SYNC: variants seen among roughly 807,000 people sequenced by gnomAD.
SYNC encodes syncoilin, intermediate filament protein, also known as syncoilin.
SYNC carries 38 observed loss-of-function variants against 49.5 expected under a neutral mutation model. The ratio of observed to expected loss-of-function variants is 0.77; its 90% confidence interval spans 0.59 to 1.01. The LOEUF is 1.01. SYNC is among the 50% of genes least tolerant of loss of function. SYNC has a pLI of 0.00. For missense variants in SYNC, 579 were observed against 580.6 expected (o/e 1.00, Z 0.03); for synonymous variants, 201 against 230.8 (o/e 0.87, Z 1.17).
chr1:32,694,702 TG>T (rs1650320859), intron 2 of SYNC, among the ~76,000 whole-genome samples, 162 bp downstream of exon 2: 1 of 151,328 alleles, frequency 6.6e-6, no homozygotes, highest in Admixed American at 6.6e-5. Flanking sequence ...GTCCCTAGCA[TG>T]GGCCTGAATG....
chr1:32,681,642 C>G lies in SYNC; in HGVS notation c.*208G>C, dbSNP rs913186067. The G allele has an allele frequency of 4.4e-6, 3 of 675,972 alleles. No homozygotes were observed. The highest frequency in any genetic ancestry group is 7.7e-6 in the Non-Finnish European group (3 of 391,762). The allele number at this position is 675,972 out of a possible 1,614,324, so 41.9% of individuals were successfully genotyped here. ...GTATCAACAGCAGATGAAATAGAAT[C>G]CAGCAAAGAGTTGACATGTTCTGCC... On this transcript the variant is annotated 3_prime_UTR_variant, in exon 5 of 5. Coordinates refer to ENST00000409190, the MANE Select transcript of SYNC (RefSeq NM_030786.3).
chr1:32,687,861 A>ATTATTTTTTTTTTT (rs1280120903), intron 2 of SYNC, among the ~76,000 whole-genome samples: 10 of 146,440 alleles, frequency 6.8e-5, no homozygotes, highest in African/African-American at 2.3e-4. Flanking sequence ...TATTATTATT[A>ATTATTTTTTTTTTT]TTTTTTGAGA....
At chr1:32,683,874 C>A in intron 4 of SYNC, 136 bp downstream of exon 4, 1 of 774,666 alleles carries the variant, frequency 1.3e-6, no homozygotes, top group Non-Finnish European at 2.1e-6. Flanking sequence ...TCCAGGTGAT[C>A]CACCCTCCTC....
At chr1:32,690,203 A>G (rs1043150840) in intron 2 of SYNC, among the ~76,000 whole-genome samples, 1 of 152,132 alleles carries the variant, frequency 6.6e-6, no homozygotes, top group African/African-American at 2.4e-5. Context: ...TAGAGATTAG[A>G]TAGACTTCTG....
At chr1:32,682,845 A>G (rs965400260) in intron 4 of SYNC, 3 of 152,320 alleles carry the variant, frequency 2.0e-5, no homozygotes, top group South Asian at 2.1e-4. Context: ...ATAATGTACA[A>G]CTTGACACGG....
At chr1:32,689,235 C>T (rs866286464) in intron 2 of SYNC, among the ~76,000 whole-genome samples, 10 of 41,518 alleles carry the variant, frequency 2.4e-4, no homozygotes, top group African/African-American at 4.1e-4. Context: ...CTCGCCTGGC[C>T]TTTTTTTTTT....
intron 1 of SYNC, among the ~76,000 whole-genome samples, chr1:32,701,286 G>A (rs786302): frequency 0.9 from 136,500 of 152,178 alleles, 61,710 homozygotes; most frequent in Non-Finnish European, 0.96. Context: ...CATCTCTTCC[G>A]TAAAGTATCT....
intron 1 of SYNC, among the ~76,000 whole-genome samples, chr1:32,698,905 C>T (rs923308141): frequency 7.3e-5 from 11 of 150,972 alleles, no homozygotes; most frequent in South Asian, 2.1e-4. Flanking sequence ...CTCAGCCTCC[C>T]GGGTAGCCAG....
In SYNC at chr1:32,684,518, G is replaced by C. The variant is rs1288236693; in HGVS notation, c.1234-136C>G. On this transcript the variant is annotated intron_variant, in intron 2 of 4. Coordinates refer to ENST00000409190, the MANE Select transcript of SYNC (RefSeq NM_030786.3). ...ATTGAGGCTGGTATTTATATGATAG[G>C]TTATGAAACAGGTTCAAAGAAGTTG... 3.1e-6 allele frequency: 4 copies of C among 1,281,768 alleles called. 1 individual carries two copies. The East Asian group carries it at 7.2e-5, about 23-fold the overall frequency. The allele number at this position is 1,281,768 out of a possible 1,614,324, so 79.4% of individuals were successfully genotyped here. A position where few individuals can be genotyped will look rare whatever the true frequency, so the allele number is the denominator to read the frequency against.
chr1:32,683,985 C>A lies in SYNC; in HGVS notation c.1438+25G>T, dbSNP rs1406142345. 2.5e-6 allele frequency: 4 copies of A among 1,607,204 alleles called. No homozygotes were observed. In the Admixed American group the frequency reaches 6.7e-5, roughly 27 times the overall value. On this transcript the variant is annotated intron_variant, in intron 4 of 4. Coordinates refer to ENST00000409190, the MANE Select transcript of SYNC (RefSeq NM_030786.3). ...TAGGAAAGCAGTAACAATGCAAACA[C>A]CACTCTTCTCTTCACAAAGATCACC...
intron 2 of SYNC, among the ~76,000 whole-genome samples, chr1:32,690,676 G>A (rs1650116708): frequency 6.6e-6 from 1 of 150,954 alleles, no homozygotes; most frequent in African/African-American, 2.4e-5. Flanking sequence ...TAGAGAGGCA[G>A]GCAGTGGCTC....
chr1:32,699,634 A>G lies in SYNC; in HGVS notation c.53+2974T>C, dbSNP rs1422127872. Among the ~76,000 whole-genome samples the G allele has an allele frequency of 2.6e-5, 4 of 151,194 alleles. No individual in the cohort carries two copies. In the East Asian group the frequency reaches 7.7e-4, roughly 29 times the overall value. Reference sequence around the variant, plus strand: ...TCTACACCACCACAGTTAACTTGCTACAACACAGAGTGAACTATTGCTCCA... The same window carrying G: ...TCTACACCACCACAGTTAACTTGCTGCAACACAGAGTGAACTATTGCTCCA... On this transcript the variant is annotated intron_variant, in intron 1 of 4. Coordinates refer to ENST00000409190, the MANE Select transcript of SYNC (RefSeq NM_030786.3).
chr1:32,701,225 TTCTA>T (rs1290271921), intron 1 of SYNC, among the ~76,000 whole-genome samples: 7 of 152,062 alleles, frequency 4.6e-5, no homozygotes, highest in Non-Finnish European at 8.8e-5. Context: ...CACAATATAC[TTCTA>T]TCTATCTAAC....
At chr1:32,682,184 C>G (rs931152582) in intron 4 of SYNC, 9 of 271,510 alleles carry the variant, frequency 3.3e-5, no homozygotes, top group African/African-American at 4.5e-5. Flanking sequence ...GTTAGTAGAT[C>G]ATTAACCTCA....
chr1:32,701,621 G>C (rs1397062611), intron 1 of SYNC, among the ~76,000 whole-genome samples: 1 of 152,184 alleles, frequency 6.6e-6, no homozygotes, highest in East Asian at 1.9e-4. Context: ...GGCCTCTGCT[G>C]GGTGCTGCCC....
Position 32,702,703 on chromosome 1 carries a change from G to A in SYNC, c.-43C>T, listed in dbSNP as rs1042799746. The A allele has an allele frequency of 4.5e-5, 51 of 1,135,876 alleles. No individual in the cohort carries two copies. The African/African-American group carries it at 7.7e-4, about 17-fold the overall frequency. 70.4% of individuals were successfully genotyped at this position (1,135,876 alleles called of 1,614,324 possible). A position where few individuals can be genotyped will look rare whatever the true frequency, so the allele number is the denominator to read the frequency against. On this transcript the variant is annotated 5_prime_UTR_variant, in exon 1 of 5. Coordinates refer to ENST00000409190, the MANE Select transcript of SYNC (RefSeq NM_030786.3). The surrounding 1 kb of genome is among the most constrained non-coding windows in gnomAD (Gnocchi z 6.2). ...CTGGCGGCCGCGTTATTAATAGCCGGGCCCGCGGGCCCCTCGCTCCGGCGC... is the reference window on the plus strand; with the variant it reads ...CTGGCGGCCGCGTTATTAATAGCCGAGCCCGCGGGCCCCTCGCTCCGGCGC...
chr1:32,695,806 C>G lies in SYNC; in HGVS notation c.292G>C (p.Glu98Gln), dbSNP rs1249385766. ...AMQPDEALHV[E>Q]EPGNPEETVC... The stretch of plus-strand genomic sequence containing the variant: ...GTCTCCTCTGGATTCCCAGGCTCCT[C>G]CACATGCAGAGCCTCATCTGGCTGC... Residue 98 changes from glutamate (E) to glutamine (Q), a missense_variant, in exon 2 of 5, where the codon GAG becomes CAG. Glu to Gln is a conservative substitution (Grantham distance 29). Transcript: ENST00000409190. 1 of 1,551,816 alleles carries G rather than the reference C, an allele frequency of 6.4e-7. No homozygotes were observed. Among genetic ancestry groups the G allele is most frequent in the Admixed American group, 2.0e-5 (1 of 50,978 alleles).
In SYNC at chr1:32,702,460, C is replaced by A; in HGVS notation, c.53+148G>T. 1.4e-6 allele frequency: 1 copy of A among 691,854 alleles called. No individual in the cohort carries two copies. The highest frequency in any genetic ancestry group is 1.9e-6 in the Non-Finnish European group (1 of 517,062). 42.9% of individuals were successfully genotyped at this position (691,854 alleles called of 1,614,324 possible). A position where few individuals can be genotyped will look rare whatever the true frequency, so the allele number is the denominator to read the frequency against. ...CCGGGACGGCCCGACTCCCCGATGT[C>A]CCCTCACGAGGCGGCTCCAGTGCCC... is the stretch of plus-strand genomic sequence containing the variant. On this transcript the variant is annotated intron_variant, in intron 1 of 4. Coordinates refer to ENST00000409190, the MANE Select transcript of SYNC (RefSeq NM_030786.3). The surrounding 1 kb of genome is among the most constrained non-coding windows in gnomAD (Gnocchi z 6.2).
chr1:32,695,923 G>C lies in SYNC; in HGVS notation c.175C>G (p.Leu59Val), dbSNP rs1205604548. 6.4e-7 allele frequency: 1 copy of C among 1,551,386 alleles called. No individual in the cohort carries two copies. Among genetic ancestry groups the C allele is most frequent in the South Asian group, 1.2e-5 (1 of 84,066 alleles). Residue 59 changes from leucine (L) to valine (V), a missense_variant, in exon 2 of 5, where the codon CTC (leucine) becomes GTC (valine). Physicochemically the swap from Leu to Val is conservative, Grantham distance 32. Transcript: ENST00000409190. ...SEGSLNLEDI[L>V]YLEDTGDLDE... The stretch of plus-strand genomic sequence containing the variant: ...AGGTCACCTGTGTCCTCCAGGTAGA[G>C]AATGTCTTCGAGGTTTAAGGACCCC...
Sources: gnomAD v4.1 joint callset for allele counts (sites outside exome capture counted in the v4.1 genomes callset) on GRCh38, gnomAD v4.1.1 for gene constraint, Gnocchi (gnomAD v3.1) non-coding constraint, MANE v1.5 for transcripts, NCBI Gene and HGNC (gene_info 2026-07-23, HGNC 2026-07-21) for gene names.